The following SEMA4C variants were observed in gnomAD, a reference collection of about 807,000 sequenced individuals.
SEMA4C encodes semaphorin 4C.
A neutral mutation model predicts 89.0 loss-of-function variants in SEMA4C; 19 were observed. The observed-to-expected ratio is 0.21, with a 90% CI of 0.15 to 0.31. The LOEUF is 0.31. Ranked by LOEUF, SEMA4C falls within the 10% of genes least tolerant of loss-of-function variation. SEMA4C has a pLI of 1.00. For synonymous variants in SEMA4C, 428 were observed against 472.7 expected (o/e 0.91, Z 1.23); for missense variants, 811 against 1,107.0 (o/e 0.73, Z 3.79).
rs1324935490 is a variant in SEMA4C, at chr2:96,860,020, T to G, written c.*606A>C. The stretch of plus-strand genomic sequence containing the variant: ...CCCCAAACACACAGGAGGCTCCATC[T>G]CCCTCCCCCCACCCTGAAAACATTC... On this transcript the variant is annotated 3_prime_UTR_variant, in exon 15 of 15. Transcript: ENST00000305476. 2.1e-5 allele frequency: 1 copy of G among 47,644 alleles called. No individual in the cohort carries two copies. The highest frequency in any genetic ancestry group is 4.0e-5 in the Non-Finnish European group (1 of 25,216). The allele number at this position is 47,644 out of a possible 1,614,324, so 3.0% of individuals were successfully genotyped here. A position where few individuals can be genotyped will look rare whatever the true frequency, so the allele number is the denominator to read the frequency against.
upstream of SEMA4C, chr2:96,870,507 G>T (rs1385467737): frequency 6.1e-6 from 6 of 977,928 alleles, no homozygotes; most frequent in Non-Finnish European, 7.3e-6. Flanking sequence ...GAGGCACGCT[G>T]GGGGAACCGA....
chr2:96,865,124 A>G lies in SEMA4C; in HGVS notation c.635-9T>C. ...GCCTACAAAGTGAGGTTCTGTGGGA[A>G]GGGGAGGAGGTCAGCAGGGAGGGGC... On this transcript the variant is annotated splice_polypyrimidine_tract_variant and intron_variant, in intron 7 of 14. Transcript: ENST00000305476. 1 of 1,585,580 alleles carries G rather than the reference A, an allele frequency of 6.3e-7. No individual in the cohort carries two copies.
At position 96,861,901 on chromosome 2, in the gene SEMA4C, G is replaced by T; in HGVS notation, c.1444-7C>A. 2.5e-6 allele frequency: 4 copies of T among 1,604,052 alleles called. No homozygotes were observed. Among genetic ancestry groups the T allele is most frequent in the Non-Finnish European group, 3.4e-6 (4 of 1,175,930 alleles). ...AGCCGGCAAAGAGCAGCTTCTGCGA[G>T]AAAAGCGGGGCGCAGGAGGGGGGTC... is the stretch of plus-strand genomic sequence containing the variant. On this transcript the variant is annotated splice_region_variant and splice_polypyrimidine_tract_variant and intron_variant, in intron 12 of 14. Coordinates refer to ENST00000305476, the MANE Select transcript of SEMA4C (RefSeq NM_017789.5). The surrounding 1 kb of genome is among the most constrained non-coding windows in gnomAD (Gnocchi z 7.8).
intron 1 of SEMA4C, among the ~76,000 whole-genome samples, chr2:96,868,185 A>G (rs1474412118): frequency 6.6e-6 from 1 of 152,196 alleles, no homozygotes; most frequent in Non-Finnish European, 1.5e-5. Flanking sequence ...CTCCAGACCC[A>G]CCACTACCTC....
In SEMA4C at chr2:96,861,269, C is replaced by A; in HGVS notation, c.1859G>T (p.Arg620Leu). 6.2e-7 allele frequency: 1 copy of A among 1,607,354 alleles called. No homozygotes were observed. ...QALVVMAAQP[R>L]HAGAYHCFSE... ...AAAGCAGTGGTAGGCCCCGGCATGG[C>A]GGGGCTGGGCAGCCATCACAACCAG... Residue 620 changes from arginine (R) to leucine (L), a missense_variant, in exon 15 of 15, where the codon CGC (arginine) becomes CTC (leucine). Around this residue, in one of 4 missense-constraint regions of SEMA4C, gnomAD observed 441 missense variants for 664.9 expected, o/e 0.66. Transcript: ENST00000305476. The surrounding 1 kb of genome is among the most constrained non-coding windows in gnomAD (Gnocchi z 7.8).
rs1452954695 is a variant in SEMA4C, at chr2:96,861,869, G to A, written c.1469C>T (p.Ser490Phe). 1.9e-6 allele frequency: 3 copies of A among 1,612,036 alleles called. No homozygotes were observed. Among genetic ancestry groups the A allele is most frequent in the South Asian group, 2.2e-5 (2 of 91,046 alleles). ...SKKLLFAGSR[S>F]QLVQLPVADC... Reference sequence around the variant, plus strand: ...GGCCACGGGCAGCTGCACCAGCTGAGAGCGGGAGCCGGCAAAGAGCAGCTT... The same window carrying A: ...GGCCACGGGCAGCTGCACCAGCTGAAAGCGGGAGCCGGCAAAGAGCAGCTT... The change falls in exon 13 of 15, where the codon TCT becomes TTT. Residue 490 changes from serine (S) to phenylalanine (F), a missense_variant. Ser to Phe is a radical substitution (Grantham distance 155, BLOSUM62 -2). Around this residue, in one of 4 missense-constraint regions of SEMA4C, gnomAD observed 441 missense variants for 664.9 expected, o/e 0.66. Transcript: ENST00000305476. The surrounding 1 kb of genome is among the most constrained non-coding windows in gnomAD (Gnocchi z 7.8).
Position 96,863,962 on chromosome 2 carries a change from C to T in SEMA4C, c.1294G>A (p.Asp432Asn). 2 of 1,613,358 alleles carry T rather than the reference C, an allele frequency of 1.2e-6. No homozygotes were observed. The highest frequency in any genetic ancestry group is 1.7e-6 in the Non-Finnish European group (2 of 1,179,850). The change falls in exon 11 of 15, where the codon GAT (aspartate) becomes AAT (asparagine). Residue 432 changes from aspartate (D) to asparagine (N), a missense_variant. Physicochemically the swap from Asp to Asn is conservative, Grantham distance 23 (BLOSUM62 1). This residue lies in a region of SEMA4C where 441 missense variants were observed against 664.9 expected (regional missense o/e 0.66). Coordinates refer to ENST00000305476, the MANE Select transcript of SEMA4C (RefSeq NM_017789.5). ...HLVADRVTGL[D>N]GATYTVLFIG... Reference sequence around the variant, plus strand: ...AACAGCACTGTATAGGTGGCTCCATCAAGTCCTGTAACCCGGTCGGCCACC... The same window carrying T: ...AACAGCACTGTATAGGTGGCTCCATTAAGTCCTGTAACCCGGTCGGCCACC...
intron 1 of SEMA4C, chr2:96,869,358 G>A (rs2080155718): frequency 2.0e-6 from 2 of 985,210 alleles, no homozygotes; most frequent in Non-Finnish European, 1.2e-6. Flanking sequence ...CGAGCGGCCA[G>A]CCGTGGACCG....
chr2:96,866,437 G>A lies in SEMA4C; in HGVS notation c.110-6C>T, dbSNP rs1053370229. On this transcript the variant is annotated splice_polypyrimidine_tract_variant and splice_region_variant and intron_variant, in intron 2 of 14. Transcript: ENST00000305476. ...CCGTACTACCGTGGCCAGCTCTGCA[G>A]GGGTAAGCATGGCTGCTGATGGGCA... 1 of 1,613,812 alleles carries A rather than the reference G, an allele frequency of 6.2e-7. No individual in the cohort carries two copies. Among genetic ancestry groups the A allele is most frequent in the African/African-American group, 1.3e-5 (1 of 74,952 alleles).
rs2080035859 is a variant in SEMA4C at position 96,864,948 on chromosome 2, CTG to C, written c.786+14_786+15del. The C allele has an allele frequency of 2.5e-6, 4 of 1,599,336 alleles. No homozygotes were observed. Among genetic ancestry groups the C allele is most frequent in the Non-Finnish European group, 3.4e-6 (4 of 1,173,522 alleles). ...CCAGCAGGGCTCCCAGGGCCCACCG[CTG>C]TGAGACTCGGTACCTTGCAGACACG... is the stretch of plus-strand genomic sequence containing the variant. On this transcript the variant is annotated intron_variant, in intron 8 of 14. Transcript: ENST00000305476. This position sits in a 1 kb window ranked among gnomAD's most constrained non-coding sequence, Gnocchi z 6.3.
At chr2:96,869,241 G>T in intron 1 of SEMA4C, 3 of 985,326 alleles carry the variant, frequency 3.0e-6, no homozygotes, top group Non-Finnish European at 3.6e-6. Flanking sequence ...CGGCAGCGGT[G>T]CTCCCACCCG....
At chr2:96,868,931 G>A in intron 1 of SEMA4C, 1 of 985,404 alleles carries the variant, frequency 1.0e-6, no homozygotes, top group Non-Finnish European at 1.2e-6. Flanking sequence ...CCCGTGCCAG[G>A]GGCGGAGACG....
upstream of SEMA4C, chr2:96,870,515 C>G (rs2080178518): frequency 1.0e-6 from 1 of 981,082 alleles, no homozygotes; most frequent in Non-Finnish European, 1.2e-6. Context: ...CTGGGGGAAC[C>G]GAGGCGTCTT....
intron 3 of SEMA4C, 83 bp from the exon 4 acceptor site, chr2:96,866,012 A>G: frequency 1.4e-6 from 2 of 1,403,316 alleles, no homozygotes; most frequent in Non-Finnish European, 2.0e-6. Context: ...GCAGCAACAC[A>G]GGGACGCCCA....
chr2:96,860,531 C>CA lies in SEMA4C; in HGVS notation c.*94dup. ...TGGGCAGTATCTGTCCCAGACAGAG[C>CA]AGGTGCCCGTGCCATGTCCCTGAGG... On this transcript the variant is annotated 3_prime_UTR_variant, in exon 15 of 15. Transcript: ENST00000305476. 1 of 1,121,408 alleles carries CA rather than the reference C, an allele frequency of 8.9e-7. No individual in the cohort carries two copies. Among genetic ancestry groups the CA allele is most frequent in the Non-Finnish European group, 1.3e-6 (1 of 783,570 alleles). The allele number at this position is 1,121,408 out of a possible 1,614,324, so 69.5% of individuals were successfully genotyped here. A position where few individuals can be genotyped will look rare whatever the true frequency, so the allele number is the denominator to read the frequency against.
In SEMA4C at chr2:96,869,306, G is replaced by T. The variant is rs1056256268; in HGVS notation, c.-38+570C>A. On this transcript the variant is annotated intron_variant, in intron 1 of 14. Transcript: ENST00000305476. ...GCCGGGAGGAGGGGTTGGGGGGAGG[G>T]GTGCGGGATCCAGGCGGGGCACCCC... is the stretch of plus-strand genomic sequence containing the variant. 1.4e-5 allele frequency: 14 copies of T among 985,362 alleles called. No homozygotes were observed. The African/African-American group carries it at 2.4e-4, about 17-fold the overall frequency. 61.0% of individuals were successfully genotyped at this position (985,362 alleles called of 1,614,324 possible). A position where few individuals can be genotyped will look rare whatever the true frequency, so the allele number is the denominator to read the frequency against.
In SEMA4C at chr2:96,864,932, C is replaced by A. The variant is rs1287727454; in HGVS notation, c.786+32G>T. On this transcript the variant is annotated intron_variant, in intron 8 of 14. Transcript: ENST00000305476. This position sits in a 1 kb window ranked among gnomAD's most constrained non-coding sequence, Gnocchi z 6.3. ...GGTCAGCCCCGCTGGGCCAGCAGGG[C>A]TCCCAGGGCCCACCGCTGTGAGACT... The A allele has an allele frequency of 4.4e-6, 7 of 1,607,652 alleles. No individual in the cohort carries two copies. Among genetic ancestry groups the A allele is most frequent in the Non-Finnish European group, 5.9e-6 (7 of 1,177,472 alleles).
In SEMA4C at chr2:96,860,664, G is replaced by C. The variant is rs1355415895; in HGVS notation, c.2464C>G (p.Pro822Ala). Residue 822 changes from proline to alanine, a missense_variant, in exon 15 of 15, where the codon CCA becomes GCA. Physicochemically the swap from Pro to Ala is conservative, Grantham distance 27. Coordinates refer to ENST00000305476, the MANE Select transcript of SEMA4C (RefSeq NM_017789.5). ...TCCTCGGGGTTGGAGTCGGGCAGTGGCTGGCGTTGCTGCAGTTTGCGTCTC... is the reference window on the plus strand; with the variant it reads ...TCCTCGGGGTTGGAGTCGGGCAGTGCCTGGCGTTGCTGCAGTTTGCGTCTC... ...ELRRKLQQRQ[P>A]LPDSNPEESS... 1 of 1,612,492 alleles carries C rather than the reference G, an allele frequency of 6.2e-7. No individual in the cohort carries two copies. The highest frequency in any genetic ancestry group is 1.1e-5 in the South Asian group (1 of 90,954).
At chr2:96,869,632 G>A in intron 1 of SEMA4C, 4 of 985,270 alleles carry the variant, frequency 4.1e-6, no homozygotes, top group Non-Finnish European at 4.8e-6. Context: ...ACCCTCGCTG[G>A]CGCGCCCCTC....
Sources: allele counts gnomAD v4.1 joint callset (sites outside exome capture counted in the v4.1 genomes callset), GRCh38; gene constraint gnomAD v4.1.1; regional missense constraint gnomAD v4.1.1; non-coding constraint Gnocchi (gnomAD v3.1); transcripts MANE v1.5; gene names NCBI Gene and HGNC (gene_info 2026-07-23, HGNC 2026-07-21).